Variants in APBB2 observed in about 807,000 individuals in gnomAD.
The protein encoded by APBB2 is Fe65-like 1.
In APBB2, 38 loss-of-function variants were observed where a neutral mutation model predicts 82.5. The observed-to-expected ratio is 0.46, with a 90% CI of 0.36 to 0.60. The LOEUF (loss-of-function observed/expected upper bound fraction) is 0.60. Ranked by LOEUF, APBB2 falls within the 20% of genes least tolerant of loss-of-function variation. The pLI is 0.00. For synonymous variants in APBB2, 341 were observed against 368.2 expected (o/e 0.93, Z 0.85); for missense variants, 772 against 972.3 (o/e 0.79, Z 2.74).
intron 10 of APBB2, among the ~76,000 whole-genome samples, chr4:40,907,810 C>G (rs568684436): frequency 3.0e-4 from 45 of 151,452 alleles, no homozygotes; most frequent in Non-Finnish European, 6.0e-4. Context: ...AAGTGTGCAC[C>G]ACCATGCCTG....
chr4:41,124,827 AGCTCT>A (rs1157652885), intron 2 of APBB2, among the ~76,000 whole-genome samples: 1 of 152,180 alleles, frequency 6.6e-6, no homozygotes, highest in African/African-American at 2.4e-5. Context: ...TTGTCACACA[AGCTCT>A]GTTAGCGTCT....
intron 1 of APBB2, among the ~76,000 whole-genome samples, chr4:41,146,417 C>A (rs992956550): frequency 6.6e-6 from 1 of 151,398 alleles, no homozygotes; most frequent in Admixed American, 6.6e-5. Flanking sequence ...TTGCTTGATC[C>A]TGGGCGGTTG....
intron 1 of APBB2, among the ~76,000 whole-genome samples, chr4:41,204,438 C>T (rs531820628): frequency 2.6e-5 from 4 of 152,190 alleles, no homozygotes; most frequent in East Asian, 3.9e-4. Context: ...AGGCTCCATG[C>T]GGGAGCTAGA....
intron 4 of APBB2, among the ~76,000 whole-genome samples, chr4:41,049,476 C>T (rs1347755855): frequency 1.4e-5 from 2 of 147,132 alleles, no homozygotes; most frequent in East Asian, 2.0e-4. Flanking sequence ...GGGCAGCCCC[C>T]GCCCGGCCAG....
chr4:40,816,913 T>A (rs994434660), intron 17 of APBB2, among the ~76,000 whole-genome samples: 6 of 152,196 alleles, frequency 3.9e-5, no homozygotes, highest in African/African-American at 1.4e-4. Flanking sequence ...TCAAGATACA[T>A]GGTACATACA....
At chr4:40,928,428 A>ACACACACACACACACACACAC (rs201061451) in intron 10 of APBB2, among the ~76,000 whole-genome samples, 1 of 54,082 alleles carries the variant, frequency 1.8e-5, no homozygotes, top group Non-Finnish European at 4.4e-5. Flanking sequence ...ACACACACAC[A>ACACACACACACACACACACAC]ATCAGCCAGG....
chr4:40,977,002 T>C (rs1797334250), intron 6 of APBB2, among the ~76,000 whole-genome samples: 2 of 152,132 alleles, frequency 1.3e-5, no homozygotes, highest in Non-Finnish European at 1.5e-5. Context: ...TGAGCTATGA[T>C]TGAGCCACTG....
At chr4:41,011,835 G>T (rs915056942) in intron 6 of APBB2, among the ~76,000 whole-genome samples, 3 of 152,136 alleles carry the variant, frequency 2.0e-5, no homozygotes, top group Admixed American at 2.0e-4. Context: ...GGGGTGAAGG[G>T]AAGAGGCAGC....
intron 1 of APBB2, among the ~76,000 whole-genome samples, chr4:41,178,865 A>G (rs1360404828): frequency 6.6e-6 from 1 of 152,178 alleles, no homozygotes; most frequent in Non-Finnish European, 1.5e-5. Flanking sequence ...AATCCAATAC[A>G]AATACTTGAG....
At chr4:40,834,950 G>A (rs1411282438) in intron 12 of APBB2, among the ~76,000 whole-genome samples, 1 of 152,206 alleles carries the variant, frequency 6.6e-6, no homozygotes, top group African/African-American at 2.4e-5. Context: ...GGATTTTATG[G>A]TGTGGTATTA....
intron 12 of APBB2, among the ~76,000 whole-genome samples, chr4:40,848,542 C>G (rs2154321460): frequency 6.6e-6 from 1 of 152,302 alleles, no homozygotes; most frequent in East Asian, 1.9e-4. Context: ...TGGAGGTAGC[C>G]TCTGCTCTGC....
intron 6 of APBB2, among the ~76,000 whole-genome samples, chr4:41,012,700 A>C (rs1808729782): frequency 6.6e-6 from 1 of 151,714 alleles, no homozygotes; most frequent in Non-Finnish European, 1.5e-5. Context: ...TTTCTTTGTT[A>C]TATCTATATT....
intron 6 of APBB2, among the ~76,000 whole-genome samples, chr4:40,966,866 C>T (rs1397224799): frequency 6.6e-6 from 1 of 152,176 alleles, no homozygotes; most frequent in Non-Finnish European, 1.5e-5. Flanking sequence ...CAGATAGGCT[C>T]CTGGGCAGAA....
chr4:40,820,328 C>T (rs1457547486), intron 17 of APBB2, among the ~76,000 whole-genome samples: 1 of 152,212 alleles, frequency 6.6e-6, no homozygotes, highest in East Asian at 1.9e-4. Flanking sequence ...TCCAACCTAT[C>T]CTCTACTTGG....
chr4:40,845,588 C>CAAAAAAAAAAAAAAAA lies in APBB2; in HGVS notation c.1530-15027_1530-15012dup, dbSNP rs71198606. The stretch of plus-strand genomic sequence containing the variant: ...GAATCCAAATGAAAAGGAAATTCCT[C>CAAAAAAAAAAAAAAAA]AAAAAAAAAAAAAAAAAAAAAAAAA... On this transcript the variant is annotated intron_variant, in intron 12 of 17. Coordinates refer to ENST00000508593, the MANE Select transcript of APBB2 (RefSeq NM_004307.2). Among the ~76,000 whole-genome samples the CAAAAAAAAAAAAAAAA allele has an allele frequency of 1.4e-3, 80 of 56,478 alleles. 7 individuals are homozygous for CAAAAAAAAAAAAAAAA. Among genetic ancestry groups the CAAAAAAAAAAAAAAAA allele is most frequent in the South Asian group, 2.9e-3 (3 of 1,032 alleles). 37.1% of individuals were successfully genotyped at this position (56,478 alleles called of 152,430 possible).
chr4:41,155,065 T>C (rs1025328988), intron 1 of APBB2, among the ~76,000 whole-genome samples: 1 of 152,230 alleles, frequency 6.6e-6, no homozygotes, highest in African/African-American at 2.4e-5. Flanking sequence ...GACTTAAAAT[T>C]AACGGGTTTG....
chr4:40,873,742 G>T (rs1211017940), intron 12 of APBB2, among the ~76,000 whole-genome samples: 4 of 152,128 alleles, frequency 2.6e-5, no homozygotes, highest in Admixed American at 2.6e-4. Flanking sequence ...CATTTGGATA[G>T]GTCAATAAAT....
chr4:41,131,440 A>G (rs1755939584), intron 2 of APBB2, among the ~76,000 whole-genome samples: 2 of 152,220 alleles, frequency 1.3e-5, no homozygotes, highest in Admixed American at 1.3e-4. Flanking sequence ...TATATTATAA[A>G]TATCAATTAC....
intron 10 of APBB2, among the ~76,000 whole-genome samples, chr4:40,931,934 A>G (rs1409345111): frequency 1.3e-5 from 2 of 152,168 alleles, no homozygotes; most frequent in Non-Finnish European, 2.9e-5. Context: ...TAGGAACGTA[A>G]GACAAAGCTG....
Sources: gnomAD v4.1 joint callset for allele counts (sites outside exome capture counted in the v4.1 genomes callset) on GRCh38, gnomAD v4.1.1 for gene constraint, MANE v1.5 for transcripts, NCBI Gene and HGNC (gene_info 2026-07-23, HGNC 2026-07-21) for gene names.